Variants in MYO9B observed in about 807,000 individuals in gnomAD.
MYO9B encodes the protein unconventional myosin-IXb.
MYO9B carries 71 observed loss-of-function variants against 229.5 expected under a neutral mutation model. The ratio of observed to expected loss-of-function variants is 0.31; its 90% CI spans 0.26 to 0.38. MYO9B has a LOEUF of 0.38. Among genes scored for constraint, MYO9B ranks in the 10% least tolerant of loss-of-function variants. MYO9B has a pLI of 1.00. For synonymous variants in MYO9B, 1,185 were observed against 1,235.8 expected, an observed-to-expected ratio of 0.96 and a Z score of 0.86; for missense variants, 2,255 against 2,920.5, an observed-to-expected ratio of 0.77 and a Z score of 5.25.
intron 3 of MYO9B, among the ~76,000 whole-genome samples, chr19:17,150,181 C>T (rs773844139): frequency 5.2e-4 from 79 of 152,110 alleles, no homozygotes; most frequent in African/African-American, 1.8e-3. Flanking sequence ...GGGAGTGATG[C>T]GGTGGATCAC....
intron 1 of MYO9B, among the ~76,000 whole-genome samples, chr19:17,086,669 C>A (rs1309078354): frequency 6.6e-6 from 1 of 152,142 alleles, no homozygotes; most frequent in African/African-American, 2.4e-5. Flanking sequence ...CGCTTGAGGC[C>A]AGGAGTTCAA....
rs775502878 is a variant in MYO9B, at chr19:17,079,224, A to G, written c.-59+3350A>G. 1.6e-3 allele frequency among the ~76,000 whole-genome samples: 243 copies of G among 152,274 alleles called. 2 individuals are homozygous for G. The highest frequency in any genetic ancestry group is 1.2e-3 in the South Asian group (6 of 4,820). On this transcript the variant is annotated intron_variant, in intron 1 of 39. Coordinates refer to ENST00000682292, the MANE Select transcript of MYO9B (RefSeq NM_004145.4). The stretch of plus-strand genomic sequence containing the variant: ...CTTGGTGGGTCCTTGGTGTTTGTGG[A>G]GCCCCTGAGGAACTGCCACTAAGAG...
chr19:17,193,103 G>T lies in MYO9B; in HGVS notation c.3128+41G>T. ...CCACGCTCCTCGGAATATTCCAGAA[G>T]CCAAAAAGGTCACTCACCAAATTGC... On this transcript the variant is annotated intron_variant, in intron 21 of 39. Transcript: ENST00000682292. This position sits in a 1 kb window ranked among gnomAD's most constrained non-coding sequence, Gnocchi z 4.3. 1 of 1,420,364 alleles carries T rather than the reference G, an allele frequency of 7.0e-7. No homozygotes were observed. The highest frequency in any genetic ancestry group is 9.2e-7 in the Non-Finnish European group (1 of 1,087,982). 88.0% of individuals were successfully genotyped at this position (1,420,364 alleles called of 1,614,324 possible).
At chr19:17,205,919 A>G in intron 31 of MYO9B, 41 bp from the exon 32 acceptor site, 1 of 1,510,984 alleles carries the variant, frequency 6.6e-7, no homozygotes. Context: ...GGAGAGGAAG[A>G]CAGCCAGGCC....
At chr19:17,110,212 T>C (rs992312682) in intron 2 of MYO9B, among the ~76,000 whole-genome samples, 6 of 152,146 alleles carry the variant, frequency 3.9e-5, no homozygotes, top group Non-Finnish European at 8.8e-5. Flanking sequence ...AGCCTCGCTG[T>C]GTAATGCTGA....
In MYO9B at chr19:17,207,097, G is replaced by C; in HGVS notation, c.5493-16G>C. On this transcript the variant is annotated splice_polypyrimidine_tract_variant and intron_variant, in intron 34 of 39. Coordinates refer to ENST00000682292, the MANE Select transcript of MYO9B (RefSeq NM_004145.4). The stretch of plus-strand genomic sequence containing the variant: ...CCTCGGCCCTAGCCATCCTCTAACT[G>C]CCAGTGGCTGTGCAGGGTGGCCCTG... 1 of 1,610,490 alleles carries C rather than the reference G, an allele frequency of 6.2e-7. No individual in the cohort carries two copies.
At chr19:17,084,854 A>G (rs1483704937) in intron 1 of MYO9B, among the ~76,000 whole-genome samples, 1 of 152,046 alleles carries the variant, frequency 6.6e-6, no homozygotes, top group Admixed American at 6.6e-5. Context: ...GCAGTGAGCC[A>G]AGATCATGCC....
At chr19:17,132,178 C>CTTTTTTTTTT (rs60927116) in intron 2 of MYO9B, among the ~76,000 whole-genome samples, 10 of 78,424 alleles carry the variant, frequency 1.3e-4, no homozygotes, top group South Asian at 4.5e-4. Context: ...TATTTTATTT[C>CTTTTTTTTTT]TTTTTTTTTT....
chr19:17,189,521 A>G (rs1489305229), intron 19 of MYO9B, among the ~76,000 whole-genome samples: 1 of 151,998 alleles, frequency 6.6e-6, no homozygotes, highest in African/African-American at 2.4e-5. Flanking sequence ...ACTTCCAGCT[A>G]CTTGCGGGGC....
At chr19:17,109,683 G>A (rs948646683) in intron 2 of MYO9B, among the ~76,000 whole-genome samples, 3 of 152,178 alleles carry the variant, frequency 2.0e-5, no homozygotes, top group South Asian at 2.1e-4. Context: ...CCTCTCTCCC[G>A]GGTTCTGGTG....
intron 16 of MYO9B, 34 bp downstream of exon 16, chr19:17,183,902 C>G: frequency 6.5e-7 from 1 of 1,544,792 alleles, no homozygotes; most frequent in Non-Finnish European, 8.7e-7. Flanking sequence ...GCGACACGTT[C>G]CAAGATATCT....
Position 17,195,516 on chromosome 19 carries a change from C to T in MYO9B, c.4046+43C>T, listed in dbSNP as rs1245942104. On this transcript the variant is annotated intron_variant, in intron 22 of 39. Coordinates refer to ENST00000682292, the MANE Select transcript of MYO9B (RefSeq NM_004145.4). The surrounding 1 kb of genome is among the most constrained non-coding windows in gnomAD (Gnocchi z 4.5). ...TTTTGTCTGAGCACCAGGGTCCAGG[C>T]CAGGTGGGCAAGGCCAGGGGCAGTG... 10 of 1,546,500 alleles carry T rather than the reference C, an allele frequency of 6.5e-6. No individual in the cohort carries two copies. Among genetic ancestry groups the T allele is most frequent in the Non-Finnish European group, 7.8e-6 (9 of 1,152,834 alleles).
intron 3 of MYO9B, 67 bp from the exon 4 acceptor site, chr19:17,152,577 A>C (rs1216593651): frequency 4.3e-6 from 6 of 1,408,810 alleles, no homozygotes; most frequent in Non-Finnish European, 5.8e-6. Flanking sequence ...AAAAAAAAAA[A>C]CAACTCAATA....
At chr19:17,206,612 T>C in intron 33 of MYO9B, 67 bp from the exon 34 acceptor site, 2 of 1,418,280 alleles carry the variant, frequency 1.4e-6, no homozygotes, top group South Asian at 2.5e-5. Flanking sequence ...TCAGGTCGTG[T>C]TGGTGGGGAC....
At chr19:17,180,737 G>A (rs1399468502) in intron 14 of MYO9B, 190 bp from the exon 15 acceptor site, 2 of 543,200 alleles carry the variant, frequency 3.7e-6, no homozygotes, top group Non-Finnish European at 6.5e-6. Flanking sequence ...GCTTGGGGAG[G>A]CTGGCCCAGT....
At chr19:17,198,477 A>T (rs2073071421) in intron 24 of MYO9B, among the ~76,000 whole-genome samples, 169 bp downstream of exon 24, 1 of 152,174 alleles carries the variant, frequency 6.6e-6, no homozygotes, top group Non-Finnish European at 1.5e-5. Flanking sequence ...GCTCACGCCT[A>T]TAATCCCAGC....
intron 2 of MYO9B, among the ~76,000 whole-genome samples, chr19:17,136,911 G>A (rs2072277168): frequency 6.6e-6 from 1 of 152,146 alleles, no homozygotes. Flanking sequence ...GGGTAACACA[G>A]TAAGATTCGT....
intron 2 of MYO9B, among the ~76,000 whole-genome samples, chr19:17,140,551 C>T (rs1437435426): frequency 3.9e-5 from 6 of 151,916 alleles, no homozygotes; most frequent in East Asian, 3.9e-4. Context: ...TGCAATGGCA[C>T]GATCTCGGCT....
At chr19:17,168,163 A>C in intron 11 of MYO9B, 99 bp downstream of exon 11, 1 of 1,474,898 alleles carries the variant, frequency 6.8e-7, no homozygotes, top group Non-Finnish European at 9.1e-7. Flanking sequence ...AGACTTTCCC[A>C]AGAGCGCCTT....
Sources: gnomAD v4.1 joint callset for allele counts (sites outside exome capture counted in the v4.1 genomes callset) on GRCh38, gnomAD v4.1.1 for gene constraint, Gnocchi (gnomAD v3.1) non-coding constraint, MANE v1.5 for transcripts, NCBI Gene and HGNC (gene_info 2026-07-23, HGNC 2026-07-21) for gene names.